Variants in ZFTRAF1 observed in about 807,000 individuals in gnomAD.
ZFTRAF1 encodes zinc finger TRAF-type-containing protein 1.
At chr8:144,462,378 C>A in the ZFTRAF1 span, 1 of 472,062 alleles carries the variant, frequency 2.1e-6, no homozygotes, top group Non-Finnish European at 3.8e-6. Flanking sequence ...GCCGCCGCCG[C>A]CGCCGCCGCC....
the ZFTRAF1 span, among the ~76,000 whole-genome samples, chr8:144,461,621 G>C: frequency 1.3e-5 from 2 of 152,232 alleles, no homozygotes; most frequent in African/African-American, 2.4e-5. Context: ...GGCAAGTCCA[G>C]TTGGATGTGG....
chr8:144,459,936 A>T, the ZFTRAF1 span, among the ~76,000 whole-genome samples: 1 of 152,238 alleles, frequency 6.6e-6, no homozygotes, highest in African/African-American at 2.4e-5. Flanking sequence ...AAGGAAAGCT[A>T]GTAGAATATG....
chr8:144,453,596 G>A, the ZFTRAF1 span: 21 of 744,828 alleles, frequency 2.8e-5, no homozygotes, highest in Admixed American at 2.9e-4. Flanking sequence ...TGCCTGTCCC[G>A]AGTCGTGCTG....
chr8:144,462,261 C>T, the ZFTRAF1 span: 2 of 549,468 alleles, frequency 3.6e-6, no homozygotes, highest in East Asian at 7.4e-5. Context: ...TGGGCCGGGT[C>T]GGGGTCGGCC....
chr8:144,460,447 G>A, the ZFTRAF1 span, among the ~76,000 whole-genome samples: 5 of 152,244 alleles, frequency 3.3e-5, no homozygotes, highest in Non-Finnish European at 7.3e-5. Context: ...CAGTGCACCA[G>A]GGACCAGTAC....
the ZFTRAF1 span, among the ~76,000 whole-genome samples, chr8:144,458,130 G>C: frequency 2.6e-3 from 395 of 152,330 alleles, 1 homozygote; most frequent in African/African-American, 8.8e-3. Context: ...GAGAGGGACT[G>C]GCACGTTGTC....
chr8:144,459,948 T>C, the ZFTRAF1 span, among the ~76,000 whole-genome samples: 1 of 152,138 alleles, frequency 6.6e-6, no homozygotes, highest in East Asian at 1.9e-4. Context: ...TAGAATATGG[T>C]AGACTGAACC....
the ZFTRAF1 span, among the ~76,000 whole-genome samples, chr8:144,460,791 G>A: frequency 1.3e-5 from 2 of 152,194 alleles, no homozygotes; most frequent in African/African-American, 2.4e-5. Context: ...GCTGAGGTAG[G>A]GAGAATTGCT....
chr8:144,453,583 A>G, the ZFTRAF1 span: 1 of 855,590 alleles, frequency 1.2e-6, no homozygotes, highest in Non-Finnish European at 1.8e-6. Context: ...AGAGGGGCGC[A>G]CGTGCCTGTC....
chr8:144,449,827 C>T, the ZFTRAF1 span: 8 of 163,852 alleles, frequency 4.9e-5, no homozygotes, highest in Admixed American at 3.3e-4. Flanking sequence ...GGGACGTGTG[C>T]GGGCACACAG....
At chr8:144,451,094 C>T in the ZFTRAF1 span, 35 of 310,000 alleles carry the variant, frequency 1.1e-4, no homozygotes, top group South Asian at 1.8e-3. Flanking sequence ...TCCCCCAGGG[C>T]GGGGTAAGCA....
chr8:144,452,819 C>T, the ZFTRAF1 span, among the ~76,000 whole-genome samples: 5 of 152,252 alleles, frequency 3.3e-5, no homozygotes, highest in Non-Finnish European at 7.3e-5. Flanking sequence ...TGGCGTGGTT[C>T]TCTCCTCTGT....
chr8:144,451,272 C>G, the ZFTRAF1 span: 1 of 160,136 alleles, frequency 6.2e-6, no homozygotes, highest in Non-Finnish European at 1.4e-5. Context: ...AGCAGGCAGC[C>G]CTGCCTGCAC....
chr8:144,462,074 G>T, the ZFTRAF1 span, among the ~76,000 whole-genome samples: 1 of 152,200 alleles, frequency 6.6e-6, no homozygotes, highest in South Asian at 2.1e-4. Context: ...GTCCCGAGCG[G>T]AAAATAAAGC....
the ZFTRAF1 span, among the ~76,000 whole-genome samples, chr8:144,460,985 G>A: frequency 6.6e-6 from 1 of 152,230 alleles, no homozygotes; most frequent in Non-Finnish European, 1.5e-5. Flanking sequence ...CACTGCCAAA[G>A]CCAAGGAGTA....
chr8:144,453,714 G>A, the ZFTRAF1 span: 1 of 448,174 alleles, frequency 2.2e-6, no homozygotes, highest in East Asian at 3.8e-5. Flanking sequence ...TCACAGAGGT[G>A]ACAGCTCGCC....
chr8:144,455,349 A>G, the ZFTRAF1 span: 1 of 152,120 alleles, frequency 6.6e-6, no homozygotes, highest in Non-Finnish European at 1.5e-5. Context: ...TAAAACATAC[A>G]CAGTTGCCTG....
At chr8:144,456,384 C>G in the ZFTRAF1 span, 2 of 152,430 alleles carry the variant, frequency 1.3e-5, no homozygotes, top group Non-Finnish European at 2.9e-5. Flanking sequence ...ATCCTTGGCC[C>G]TGGCAGCATC....
chr8:144,452,483 G>A, the ZFTRAF1 span: 91 of 1,547,148 alleles, frequency 5.9e-5, no homozygotes, highest in Admixed American at 2.0e-5. Context: ...TCTTGGTCGG[G>A]TGGGCGCACG....
Sources: allele counts gnomAD v4.1 joint callset (sites outside exome capture counted in the v4.1 genomes callset), GRCh38; gene constraint gnomAD v4.1.1; transcripts MANE v1.5; gene names NCBI Gene and HGNC (gene_info 2026-07-23, HGNC 2026-07-21).